GRM5: variants seen among roughly 807,000 people sequenced by gnomAD.
GRM5 encodes metabotropic glutamate receptor 5.
A neutral mutation model predicts 83.1 loss-of-function variants in GRM5; 19 were observed. The observed-to-expected ratio is 0.23, with a 90% CI of 0.16 to 0.34. The LOEUF is 0.34. GRM5 is among the 10% of genes least tolerant of loss of function. GRM5 has a pLI of 1.00. For missense variants in GRM5, 1,160 were observed against 1,588.3 expected, an observed-to-expected ratio of 0.73 and a Z score of 4.58; for synonymous variants, 675 against 633.6, an observed-to-expected ratio of 1.07 and a Z score of -0.98.
intron 2 of GRM5, among the ~76,000 whole-genome samples, chr11:88,917,467 G>A (rs1945614915): frequency 6.6e-6 from 1 of 152,056 alleles, no homozygotes; most frequent in African/African-American, 2.4e-5. Flanking sequence ...GACCATCTAG[G>A]AAAACATGAC....
intron 1 of GRM5, among the ~76,000 whole-genome samples, chr11:89,055,627 T>C (rs1183127712): frequency 6.6e-6 from 1 of 152,018 alleles, no homozygotes; most frequent in Non-Finnish European, 1.5e-5. Flanking sequence ...TAATCATAGT[T>C]TACAACTTGG....
At chr11:88,650,040 A>G (rs922647450) in intron 4 of GRM5, among the ~76,000 whole-genome samples, 3 of 151,912 alleles carry the variant, frequency 2.0e-5, no homozygotes, top group African/African-American at 7.2e-5. Context: ...TGTGATAAGA[A>G]CCAACTTAAA....
At chr11:88,889,086 A>G (rs1945093728) in intron 2 of GRM5, among the ~76,000 whole-genome samples, 1 of 152,180 alleles carries the variant, frequency 6.6e-6, no homozygotes, top group African/African-American at 2.4e-5. Flanking sequence ...CTGATTGATC[A>G]AGGGCAGGGT....
intron 2 of GRM5, among the ~76,000 whole-genome samples, chr11:89,024,539 T>C (rs1000557600): frequency 1.3e-5 from 2 of 152,226 alleles, no homozygotes; most frequent in African/African-American, 4.8e-5. Context: ...TAGAGTTTAT[T>C]AAACATAAAA....
chr11:88,898,324 T>A (rs1358855441), intron 2 of GRM5, among the ~76,000 whole-genome samples: 3 of 152,022 alleles, frequency 2.0e-5, no homozygotes, highest in Non-Finnish European at 2.9e-5. Context: ...TTTAACTTGA[T>A]TGACTCTGTA....
At chr11:89,040,090 T>C (rs1941492844) in intron 2 of GRM5, among the ~76,000 whole-genome samples, 1 of 152,108 alleles carries the variant, frequency 6.6e-6, no homozygotes, top group Non-Finnish European at 1.5e-5. Flanking sequence ...TCACAGAAAC[T>C]TAGTCTTGAA....
chr11:88,680,867 A>G (rs1940466744), intron 3 of GRM5, among the ~76,000 whole-genome samples: 1 of 152,176 alleles, frequency 6.6e-6, no homozygotes, highest in African/African-American at 2.4e-5. Context: ...GAATATGGAG[A>G]AGGAGGAGTA....
At chr11:88,776,181 T>G (rs903921758) in intron 3 of GRM5, among the ~76,000 whole-genome samples, 2 of 152,206 alleles carry the variant, frequency 1.3e-5, no homozygotes, top group African/African-American at 2.4e-5. Context: ...ATTGATCCCT[T>G]TACCATTATG....
At chr11:89,010,720 C>G (rs1239355141) in intron 2 of GRM5, among the ~76,000 whole-genome samples, 1 of 150,710 alleles carries the variant, frequency 6.6e-6, no homozygotes, top group Non-Finnish European at 1.5e-5. Flanking sequence ...ACACAGAGAG[C>G]CAAAGTGACT....
At chr11:88,915,220 G>C (rs569979700) in intron 2 of GRM5, among the ~76,000 whole-genome samples, 2 of 152,182 alleles carry the variant, frequency 1.3e-5, no homozygotes, top group East Asian at 3.9e-4. Flanking sequence ...GAGGAGAAAA[G>C]AAAACATCAA....
Position 88,567,898 on chromosome 11 carries a change from C to G in GRM5, c.1785G>C (p.Leu595=). Reference sequence around the variant, plus strand: ...AAATGATGAAGACTACAGTAACAAACAGGGTGGCCAGGAGGCCAAGGCAGG... The same window carrying G: ...AAATGATGAAGACTACAGTAACAAAGAGGGTGGCCAGGAGGCCAAGGCAGG... ...VFACLGLLAT[L]FVTVVFIIYR... Residue 595 remains leucine (L), a synonymous_variant, in exon 8 of 10, where the codon CTG becomes CTC. Coordinates refer to ENST00000305447, the MANE Select transcript of GRM5 (RefSeq NM_001143831.3). The surrounding 1 kb of genome is among the most constrained non-coding windows in gnomAD (Gnocchi z 7.3). 6.2e-7 allele frequency: 1 copy of G among 1,613,778 alleles called. No homozygotes were observed. The highest frequency in any genetic ancestry group is 8.5e-7 in the Non-Finnish European group (1 of 1,179,708).
intron 2 of GRM5, among the ~76,000 whole-genome samples, chr11:88,999,709 T>A (rs1170664323): frequency 2.0e-5 from 3 of 152,008 alleles, no homozygotes; most frequent in East Asian, 3.9e-4. Flanking sequence ...AACTAGAAAT[T>A]CCATTTGACC....
At chr11:88,992,453 G>T (rs1248767941) in intron 2 of GRM5, among the ~76,000 whole-genome samples, 1 of 152,174 alleles carries the variant, frequency 6.6e-6, no homozygotes, top group Admixed American at 6.5e-5. Flanking sequence ...GTGGAAGTCA[G>T]TGTGGTGACT....
chr11:88,625,761 C>T (rs150241991), intron 4 of GRM5, among the ~76,000 whole-genome samples: 58 of 152,070 alleles, frequency 3.8e-4, no homozygotes, highest in African/African-American at 1.3e-3. Flanking sequence ...GTGCATATAG[C>T]CCCAATTCTA....
intron 1 of GRM5, among the ~76,000 whole-genome samples, chr11:89,055,149 G>T (rs1233704933): frequency 6.6e-6 from 1 of 152,168 alleles, no homozygotes; most frequent in Non-Finnish European, 1.5e-5. Context: ...CTGATATGCA[G>T]TTGTTCCAAT....
At chr11:88,715,137 A>T (rs888667929) in intron 3 of GRM5, among the ~76,000 whole-genome samples, 3 of 152,036 alleles carry the variant, frequency 2.0e-5, no homozygotes, top group African/African-American at 7.2e-5. Flanking sequence ...AAATAAAAGC[A>T]TTACTAGGGC....
chr11:88,529,689 C>G (rs559133468), intron 8 of GRM5, among the ~76,000 whole-genome samples: 12 of 152,020 alleles, frequency 7.9e-5, no homozygotes, highest in South Asian at 4.2e-4. Context: ...TAGAGAAATA[C>G]TACTACAGTT....
intron 1 of GRM5, among the ~76,000 whole-genome samples, chr11:89,048,671 T>G (rs1591077432): frequency 6.6e-6 from 1 of 152,192 alleles, no homozygotes; most frequent in African/African-American, 2.4e-5. Context: ...ATGTGGAAGA[T>G]ATAATAAAAA....
intron 1 of GRM5, among the ~76,000 whole-genome samples, chr11:89,062,928 G>C (rs576669517): frequency 6.6e-6 from 1 of 152,372 alleles, no homozygotes; most frequent in South Asian, 2.1e-4. Context: ...TGTGTTCGAG[G>C]GGAAAGATAA....
Sources: allele counts gnomAD v4.1 joint callset (sites outside exome capture counted in the v4.1 genomes callset), GRCh38; gene constraint gnomAD v4.1.1; non-coding constraint Gnocchi (gnomAD v3.1); transcripts MANE v1.5; gene names NCBI Gene and HGNC (gene_info 2026-07-23, HGNC 2026-07-21).